Variants in MRPL3 observed in about 807,000 individuals in gnomAD.
The protein encoded by MRPL3 is mitochondrial ribosomal protein L3.
MRPL3 carries 43 observed loss-of-function variants against 44.3 expected under a neutral mutation model. The observed-to-expected ratio is 0.97, with a 90% confidence interval of 0.76 to 1.25. MRPL3 has a LOEUF of 1.25. Among genes scored for constraint, MRPL3 ranks in the 50% most tolerant of loss-of-function variants. The probability of loss-of-function intolerance (pLI) is 0.00; values close to 1 mark genes in which losing one functional copy is unlikely to be tolerated. For synonymous variants in MRPL3, 171 were observed against 152.3 expected, an observed-to-expected ratio of 1.12 and a Z score of -0.91; for missense variants, 406 against 427.6, an observed-to-expected ratio of 0.95 and a Z score of 0.45.
chr3:131,492,813 G>A (rs1437531876), intron 4 of MRPL3, among the ~76,000 whole-genome samples: 1 of 152,126 alleles, frequency 6.6e-6, no homozygotes, highest in Non-Finnish European at 1.5e-5. Flanking sequence ...GGTAGAACCT[G>A]CTGTCTGCTC....
chr3:131,490,491 T>C (rs1004849788), intron 4 of MRPL3, among the ~76,000 whole-genome samples: 1 of 152,212 alleles, frequency 6.6e-6, no homozygotes, highest in Non-Finnish European at 1.5e-5. Flanking sequence ...CATTTAAATG[T>C]TATGACCACA....
intron 6 of MRPL3, among the ~76,000 whole-genome samples, chr3:131,475,465 G>A (rs1406662625): frequency 1.3e-5 from 2 of 152,132 alleles, no homozygotes; most frequent in South Asian, 2.1e-4. Context: ...AGGCCAGCCT[G>A]GCCAACATAG....
At chr3:131,464,495 C>CCCTCAAT (rs1933557709) in intron 9 of MRPL3, among the ~76,000 whole-genome samples, 2 of 152,028 alleles carry the variant, frequency 1.3e-5, no homozygotes, top group South Asian at 4.1e-4. Context: ...CACCAAGACT[C>CCCTCAAT]CCTCAATTAT....
At chr3:131,492,085 C>T (rs887661912) in intron 4 of MRPL3, among the ~76,000 whole-genome samples, 1 of 152,104 alleles carries the variant, frequency 6.6e-6, no homozygotes, top group Non-Finnish European at 1.5e-5. Flanking sequence ...TGCTTTTCTG[C>T]CATATTTTTG....
At chr3:131,462,995 T>C in intron 9 of MRPL3, 120 bp from the exon 10 acceptor site, 1 of 808,600 alleles carries the variant, frequency 1.2e-6, no homozygotes. Flanking sequence ...ATAACACAAC[T>C]GTTACATAAA....
intron 6 of MRPL3, among the ~76,000 whole-genome samples, chr3:131,473,373 C>CCT: frequency 6.6e-6 from 1 of 151,658 alleles, no homozygotes; most frequent in East Asian, 1.9e-4. Flanking sequence ...AGGTTAGACC[C>CCT]CTCTCTCTCA....
intron 6 of MRPL3, among the ~76,000 whole-genome samples, chr3:131,472,374 T>C (rs575597725): frequency 6.6e-6 from 1 of 152,280 alleles, no homozygotes; most frequent in Admixed American, 6.5e-5. Context: ...ATGATCCAGG[T>C]AGAAAGCAAA....
At chr3:131,486,994 A>T (rs1456048908) in intron 6 of MRPL3, among the ~76,000 whole-genome samples, 1 of 152,218 alleles carries the variant, frequency 6.6e-6, no homozygotes, top group African/African-American at 2.4e-5. Flanking sequence ...CTATAAAGAC[A>T]CATGCACACA....
intron 6 of MRPL3, 23 bp downstream of exon 6, chr3:131,487,657 G>A (rs752310262): frequency 1.6e-5 from 26 of 1,585,412 alleles, no homozygotes; most frequent in Non-Finnish European, 2.2e-5. Flanking sequence ...AAAAGGAAAA[G>A]AGAACTCGCT....
intron 6 of MRPL3, among the ~76,000 whole-genome samples, chr3:131,480,183 T>G (rs1025552345): frequency 3.3e-5 from 5 of 152,204 alleles, no homozygotes; most frequent in African/African-American, 4.8e-5. Context: ...TTCAGCAAAC[T>G]CACTCAGATG....
chr3:131,479,831 C>A (rs975952435), intron 6 of MRPL3, among the ~76,000 whole-genome samples: 1 of 152,064 alleles, frequency 6.6e-6, no homozygotes, highest in South Asian at 2.1e-4. Context: ...GGCGAAAGAG[C>A]GAGACTCCGT....
chr3:131,471,349 A>G (rs1933738446), intron 6 of MRPL3, 70 bp from the exon 7 acceptor site: 1 of 1,019,538 alleles, frequency 9.8e-7, no homozygotes, highest in Admixed American at 1.7e-5. Context: ...TACACTTTCT[A>G]GTACCAACTG....
rs761019328 is a variant in MRPL3, at chr3:131,471,191, G to A, written c.718C>T (p.Pro240Ser). The change falls in exon 7 of 10, where the codon CCT becomes TCT. Residue 240 changes from proline to serine, a missense_variant. Pro to Ser is a moderately conservative substitution (Grantham distance 74). Transcript: ENST00000264995. Reference sequence around the variant, plus strand: ...CTCACACCAGTTGCAACAGCTCCAGGTCTCCTGTGGGTTTTCGTTTGACCA... The same window carrying A: ...CTCACACCAGTTGCAACAGCTCCAGATCTCCTGTGGGTTTTCGTTTGACCA... ...THGQTKTHRR[P>S]GAVATGDIGR... The A allele has an allele frequency of 2.5e-6, 4 of 1,612,550 alleles. No homozygotes were observed. Among genetic ancestry groups the A allele is most frequent in the Non-Finnish European group, 3.4e-6 (4 of 1,179,062 alleles).
intron 1 of MRPL3, chr3:131,502,030 A>G (rs10512809): frequency 0.016 from 13,888 of 844,294 alleles, 148 homozygotes; most frequent in East Asian, 0.037. Context: ...GTGTACCTTA[A>G]TAGTTTTACA....
intron 6 of MRPL3, among the ~76,000 whole-genome samples, chr3:131,478,637 A>G (rs1390085813): frequency 6.6e-6 from 1 of 151,466 alleles, no homozygotes; most frequent in South Asian, 2.1e-4. Flanking sequence ...TACATTGTCT[A>G]TCTTCCCACT....
chr3:131,496,943 T>C (rs1276701140), intron 4 of MRPL3, among the ~76,000 whole-genome samples: 1 of 152,192 alleles, frequency 6.6e-6, no homozygotes, highest in African/African-American at 2.4e-5. Context: ...GCAGCCACAT[T>C]ACACTTCTCT....
At chr3:131,492,502 G>T (rs920185735) in intron 4 of MRPL3, among the ~76,000 whole-genome samples, 1 of 152,140 alleles carries the variant, frequency 6.6e-6, no homozygotes, top group East Asian at 1.9e-4. Context: ...TAAGGAGCAT[G>T]CAACCTAGAT....
chr3:131,488,344 G>A (rs972400999), intron 5 of MRPL3, among the ~76,000 whole-genome samples: 7 of 152,088 alleles, frequency 4.6e-5, no homozygotes, highest in East Asian at 1.9e-4. Context: ...ATATAGAAAC[G>A]TTTACAAAAC....
At chr3:131,473,393 A>G (rs1933783142) in intron 6 of MRPL3, among the ~76,000 whole-genome samples, 1 of 152,128 alleles carries the variant, frequency 6.6e-6, no homozygotes, top group Non-Finnish European at 1.5e-5. Flanking sequence ...ACCATATGCA[A>G]AAATCAATTC....
Sources: allele counts gnomAD v4.1 joint callset (sites outside exome capture counted in the v4.1 genomes callset), GRCh38; gene constraint gnomAD v4.1.1; transcripts MANE v1.5; gene names NCBI Gene and HGNC (gene_info 2026-07-23, HGNC 2026-07-21).